Variants in GABRB3 observed in about 807,000 individuals in gnomAD.
GABRB3 encodes gamma-aminobutyric acid receptor subunit beta-3.
Under a neutral mutation model 52.1 loss-of-function variants are expected in GABRB3, and 14 were observed. The observed-to-expected ratio is 0.27, with a 90% CI of 0.18 to 0.42. The LOEUF is 0.42. Among genes scored for constraint, GABRB3 ranks in the 10% least tolerant of loss-of-function variants. The pLI is 1.00. For missense variants in GABRB3, 307 were observed against 609.1 expected (o/e 0.50, Z 5.22); for synonymous variants, 260 against 232.3 (o/e 1.12, Z -1.08).
chr15:26,658,037 C>T lies in GABRB3; in HGVS notation c.241-36503G>A, dbSNP rs542765695. On this transcript the variant is annotated intron_variant, in intron 3 of 8. Transcript: ENST00000311550. ...TTCCAAACTTGGCCAATTGCTCCTACGGATAACTAGTACCACTGTAACACC... is the reference window on the plus strand; with the variant it reads ...TTCCAAACTTGGCCAATTGCTCCTATGGATAACTAGTACCACTGTAACACC... Among the ~76,000 whole-genome samples the T allele has an allele frequency of 1.2e-4, 19 of 152,272 alleles. No individual in the cohort carries two copies. The East Asian group carries it at 2.1e-3, about 17-fold the overall frequency.
At chr15:26,573,369 A>C (rs926194509) in intron 6 of GABRB3, among the ~76,000 whole-genome samples, 2 of 152,266 alleles carry the variant, frequency 1.3e-5, no homozygotes, top group African/African-American at 4.8e-5. Context: ...AGGAAATATA[A>C]GAAATAGAAA....
chr15:26,616,200 G>T, intron 4 of GABRB3: 1 of 637,934 alleles, frequency 1.6e-6, no homozygotes, highest in Non-Finnish European at 2.5e-6. Context: ...AGAGGATGGA[G>T]GGTGGCTGAG....
intron 4 of GABRB3, among the ~76,000 whole-genome samples, chr15:26,604,563 A>G (rs1891708903): frequency 6.6e-6 from 1 of 152,206 alleles, no homozygotes; most frequent in South Asian, 2.1e-4. Flanking sequence ...TGGCATAAAA[A>G]CAGACATACA....
intron 6 of GABRB3, chr15:26,569,477 T>G (rs1890312250): frequency 6.6e-6 from 1 of 152,256 alleles, no homozygotes. Context: ...TTTTCGATTC[T>G]TCCTAATGAT....
At chr15:26,606,772 A>AGATATATCTATCGATAGATATATC (rs1891819177) in intron 4 of GABRB3, among the ~76,000 whole-genome samples, 1 of 81,684 alleles carries the variant, frequency 1.2e-5, no homozygotes, top group Non-Finnish European at 3.2e-5. Flanking sequence ...GTCTATCTAT[A>AGATATATCTATCGATAGATATATC]GATAGATAGA....
At chr15:26,602,127 TTA>T (rs1891611262) in intron 4 of GABRB3, among the ~76,000 whole-genome samples, 1 of 152,054 alleles carries the variant, frequency 6.6e-6, no homozygotes, top group African/African-American at 2.4e-5. Context: ...ATCAGACAAA[TTA>T]TATTCCTAGA....
At chr15:26,588,182 G>A (rs1289365630) in intron 4 of GABRB3, among the ~76,000 whole-genome samples, 1 of 152,020 alleles carries the variant, frequency 6.6e-6, no homozygotes, top group Non-Finnish European at 1.5e-5. Context: ...AAAGTAGAGA[G>A]AAAAAACAAA....
At chr15:26,556,447 G>A (rs1016551511) in intron 8 of GABRB3, among the ~76,000 whole-genome samples, 2 of 152,160 alleles carry the variant, frequency 1.3e-5, no homozygotes, top group African/African-American at 4.8e-5. Context: ...CTGCAGCTCT[G>A]ATTCCTTGCC....
At chr15:26,669,263 C>T (rs1887811979) in intron 3 of GABRB3, among the ~76,000 whole-genome samples, 1 of 152,190 alleles carries the variant, frequency 6.6e-6, no homozygotes. Flanking sequence ...GTCCTTCCTA[C>T]TTAGGGAAGT....
chr15:26,752,914 G>A (rs557877007), intron 3 of GABRB3, among the ~76,000 whole-genome samples: 1 of 152,234 alleles, frequency 6.6e-6, no homozygotes, highest in East Asian at 1.9e-4. Flanking sequence ...TTGAAGATTA[G>A]GTCCTCTTCT....
chr15:26,571,344 G>T (rs2140707088), intron 6 of GABRB3, among the ~76,000 whole-genome samples: 1 of 152,272 alleles, frequency 6.6e-6, no homozygotes, highest in Non-Finnish European at 1.5e-5. Flanking sequence ...CCCTCTGTCT[G>T]CAACACTGTT....
rs1464046706 is a variant in GABRB3, at chr15:26,618,246, C to T, written c.461+3068G>A. ...CAAAAGAACAAAGCTGGAGGCATCA[C>T]GCTACCTGACTTCAAACTATACTAC... is the stretch of plus-strand genomic sequence containing the variant. On this transcript the variant is annotated intron_variant, in intron 4 of 8. Transcript: ENST00000311550. Among the ~76,000 whole-genome samples the T allele has an allele frequency of 2.4e-3, 359 of 151,158 alleles. 5 individuals are homozygous for T. In the East Asian group the frequency reaches 0.035, roughly 15 times the overall value.
intron 3 of GABRB3, among the ~76,000 whole-genome samples, chr15:26,649,658 C>CTG (rs57833685): frequency 0.03 from 3,853 of 130,146 alleles, 93 homozygotes; most frequent in East Asian, 0.062. Context: ...AGAGCCAAGG[C>CTG]TGTGTGTGTG....
intron 6 of GABRB3, among the ~76,000 whole-genome samples, chr15:26,572,993 G>A (rs1890463515): frequency 6.6e-6 from 1 of 152,112 alleles, no homozygotes; most frequent in Admixed American, 6.5e-5. Flanking sequence ...CATTCTCTAG[G>A]CATTAATATT....
chr15:26,713,450 G>A (rs1348430604), intron 3 of GABRB3, among the ~76,000 whole-genome samples: 1 of 152,108 alleles, frequency 6.6e-6, no homozygotes, highest in Non-Finnish European at 1.5e-5. Flanking sequence ...GTCGCCTGGT[G>A]CCATCAGTCA....
At chr15:26,773,519 C>G (rs2140200950), upstream of GABRB3, 1 of 598,640 alleles carries the variant, frequency 1.7e-6, no homozygotes, top group South Asian at 3.2e-5. Context: ...AAGTTGGCCC[C>G]GCACGACGAC....
At chr15:26,631,197 A>G (rs186742921) in intron 3 of GABRB3, among the ~76,000 whole-genome samples, 114 of 152,344 alleles carry the variant, frequency 7.5e-4, no homozygotes, top group African/African-American at 2.3e-3. Flanking sequence ...TCCTGAGTAT[A>G]TACAAGCAGC....
chr15:26,668,378 T>C (rs1420154326), intron 3 of GABRB3, among the ~76,000 whole-genome samples: 7 of 152,240 alleles, frequency 4.6e-5, no homozygotes, highest in Non-Finnish European at 1.5e-5. Context: ...AAATATTCTA[T>C]GACTATCATT....
intron 3 of GABRB3, among the ~76,000 whole-genome samples, chr15:26,626,230 C>T (rs949187312): frequency 1.3e-5 from 2 of 152,130 alleles, no homozygotes; most frequent in African/African-American, 4.8e-5. Flanking sequence ...AGATGGCAAA[C>T]TTATCGTACA....
Sources: gnomAD v4.1 joint callset for allele counts (sites outside exome capture counted in the v4.1 genomes callset) on GRCh38, gnomAD v4.1.1 for gene constraint, MANE v1.5 for transcripts, NCBI Gene and HGNC (gene_info 2026-07-23, HGNC 2026-07-21) for gene names.